GSE1: variants seen among roughly 807,000 people sequenced by gnomAD.
GSE1 encodes genetic suppressor element 1.
Under a neutral mutation model 112.6 loss-of-function variants are expected in GSE1, and 32 were observed. The observed-to-expected ratio is 0.28, with a 90% confidence interval of 0.21 to 0.38. GSE1 has a LOEUF of 0.38. Ranked by LOEUF, GSE1 falls within the 10% of genes least tolerant of loss-of-function variation. GSE1 has a pLI of 1.00. For synonymous variants in GSE1, 1,115 were observed against 735.6 expected (o/e 1.52, Z -8.35); for missense variants, 2,348 against 1,699.2 (o/e 1.38, Z -6.71).
intron 2 of GSE1, among the ~76,000 whole-genome samples, chr16:85,446,167 C>G (rs1597782746): frequency 6.6e-6 from 1 of 152,162 alleles, no homozygotes; most frequent in Non-Finnish European, 1.5e-5. Context: ...GCTGTTTGGC[C>G]TCAGCTCTGC....
chr16:85,528,082 C>T (rs1413823013), intron 2 of GSE1, among the ~76,000 whole-genome samples: 1 of 152,218 alleles, frequency 6.6e-6, no homozygotes, highest in Non-Finnish European at 1.5e-5. Context: ...CTTGCACAAA[C>T]CCTGCAAACA....
At position 85,627,044 on chromosome 16, in the gene GSE1, C is replaced by CTTTTTTTTTTTTTTTTTTTTTTTTTTTT. The variant is rs564272210; in HGVS notation, c.8-6865_8-6838dup. On this transcript the variant is annotated intron_variant, in intron 1 of 15. Transcript: ENST00000253458. ...GGACTTTGCTTCCTTTTCTTCTTGC[C>CTTTTTTTTTTTTTTTTTTTTTTTTTTTT]TTTTTTTTTTTTTTTTTTTTTTTTT... 1.2e-3 allele frequency among the ~76,000 whole-genome samples: 31 copies of CTTTTTTTTTTTTTTTTTTTTTTTTTTTT among 25,068 alleles called. 10 individuals carry two copies. Among genetic ancestry groups the CTTTTTTTTTTTTTTTTTTTTTTTTTTTT allele is most frequent in the East Asian group, 3.6e-3 (2 of 554 alleles). 16.4% of individuals were successfully genotyped at this position (25,068 alleles called of 152,430 possible). A position where few individuals can be genotyped will look rare whatever the true frequency, so the allele number is the denominator to read the frequency against.
At chr16:85,487,449 A>G (rs2050877263) in intron 2 of GSE1, among the ~76,000 whole-genome samples, 1 of 152,200 alleles carries the variant, frequency 6.6e-6, no homozygotes, top group Non-Finnish European at 1.5e-5. Context: ...GCACCTGGGC[A>G]GGCCGATTTC....
At chr16:85,275,960 G>A (rs978793937) in intron 1 of GSE1, among the ~76,000 whole-genome samples, 3 of 152,258 alleles carry the variant, frequency 2.0e-5, no homozygotes, top group Admixed American at 6.5e-5. Context: ...GTCAGAGGGG[G>A]TGCTTTCTAT....
At chr16:85,567,093 A>C (rs1230336099) in intron 1 of GSE1, among the ~76,000 whole-genome samples, 3 of 144,446 alleles carry the variant, frequency 2.1e-5, no homozygotes, top group Non-Finnish European at 4.6e-5. Flanking sequence ...CTCTCCTGGA[A>C]AGTTTCACTC....
intron 1 of GSE1, among the ~76,000 whole-genome samples, chr16:85,175,709 C>T (rs549122621): frequency 3.9e-5 from 6 of 152,290 alleles, no homozygotes; most frequent in Admixed American, 1.3e-4. Flanking sequence ...TTGGGGGCGG[C>T]ATTTGGGGAC....
chr16:85,519,591 A>G (rs1459628258), intron 2 of GSE1, among the ~76,000 whole-genome samples: 4 of 148,260 alleles, frequency 2.7e-5, no homozygotes, highest in African/African-American at 1.0e-4. Context: ...CTCCATCATC[A>G]TCACCTTCAC....
intron 2 of GSE1, among the ~76,000 whole-genome samples, chr16:85,519,615 ATCACC>A (rs1444520891): frequency 7.0e-6 from 1 of 142,312 alleles, no homozygotes; most frequent in African/African-American, 2.9e-5. Context: ...CATCATCACC[ATCACC>A]ACCACCATCA....
upstream of GSE1, among the ~76,000 whole-genome samples, chr16:85,607,836 C>T (rs2047777720): frequency 6.6e-6 from 1 of 152,214 alleles, no homozygotes; most frequent in Non-Finnish European, 1.5e-5. Flanking sequence ...GGGCCTTCTT[C>T]CCTTGAGGCC....
intron 1 of GSE1, among the ~76,000 whole-genome samples, chr16:85,344,276 A>G (rs1334813690): frequency 6.6e-6 from 1 of 152,128 alleles, no homozygotes; most frequent in African/African-American, 2.4e-5. Context: ...TCTGGGAGAA[A>G]GGCAGGGGGC....
At chr16:85,500,218 C>T (rs2051314354) in intron 2 of GSE1, among the ~76,000 whole-genome samples, 1 of 152,212 alleles carries the variant, frequency 6.6e-6, no homozygotes, top group South Asian at 2.1e-4. Flanking sequence ...TCTTTTTTCT[C>T]CTCCTGTCAT....
intron 2 of GSE1, among the ~76,000 whole-genome samples, chr16:85,438,297 G>A (rs577910542): frequency 4.3e-4 from 65 of 152,294 alleles, no homozygotes; most frequent in African/African-American, 1.5e-3. Context: ...AAGGCCATGC[G>A]GTGGTGTCTT....
At chr16:85,664,310 C>G (rs139906798) in intron 11 of GSE1, among the ~76,000 whole-genome samples, 4 of 152,206 alleles carry the variant, frequency 2.6e-5, no homozygotes, top group African/African-American at 4.8e-5. Context: ...GGGAGAAAGT[C>G]GAAGGAAAGC....
intron 2 of GSE1, among the ~76,000 whole-genome samples, chr16:85,500,800 C>G (rs992463090): frequency 3.9e-5 from 6 of 152,116 alleles, no homozygotes; most frequent in Admixed American, 3.3e-4. Context: ...AGTCCCAGAT[C>G]GAGGTGTCTG....
At chr16:85,569,233 C>T (rs1407715655) in intron 1 of GSE1, among the ~76,000 whole-genome samples, 3 of 152,186 alleles carry the variant, frequency 2.0e-5, no homozygotes, top group Admixed American at 6.5e-5. Flanking sequence ...GCGCTGAGCC[C>T]AGGTGTCTGG....
intron 2 of GSE1, among the ~76,000 whole-genome samples, chr16:85,360,703 C>T (rs1328092564): frequency 6.6e-6 from 1 of 152,014 alleles, no homozygotes; most frequent in Non-Finnish European, 1.5e-5. Flanking sequence ...TACATACACG[C>T]AAACACACAG....
intron 1 of GSE1, among the ~76,000 whole-genome samples, chr16:85,597,207 G>T (rs1159679941): frequency 2.0e-5 from 3 of 151,652 alleles, no homozygotes; most frequent in African/African-American, 4.8e-5. Context: ...TCGAACTCCT[G>T]ACCTCAGGTG....
At chr16:85,420,296 G>C (rs1369080676) in intron 2 of GSE1, among the ~76,000 whole-genome samples, 1 of 152,168 alleles carries the variant, frequency 6.6e-6, no homozygotes, top group Non-Finnish European at 1.5e-5. Context: ...CCTCTGGAGG[G>C]AGTGTGGCCC....
At chr16:85,531,575 A>G (rs1205823794) in intron 2 of GSE1, among the ~76,000 whole-genome samples, 1 of 152,056 alleles carries the variant, frequency 6.6e-6, no homozygotes, top group Non-Finnish European at 1.5e-5. Flanking sequence ...CTGGCACCTT[A>G]CACAGAATGT....
Sources: allele counts gnomAD v4.1 joint callset (sites outside exome capture counted in the v4.1 genomes callset), GRCh38; gene constraint gnomAD v4.1.1; transcripts MANE v1.5; gene names NCBI Gene and HGNC (gene_info 2026-07-23, HGNC 2026-07-21).